The following RBFOX2 variants were observed in gnomAD, a reference collection of about 807,000 sequenced individuals.
RBFOX2 encodes RNA binding protein fox-1 homolog 2.
RBFOX2 carries 10 observed loss-of-function variants against 49.1 expected under a neutral mutation model. That is an observed-to-expected ratio of 0.20 (90% CI 0.13 to 0.35). The LOEUF (loss-of-function observed/expected upper bound fraction) is 0.35, where lower values mean the gene tolerates loss of function less well. Among genes scored for constraint, RBFOX2 ranks in the 10% least tolerant of loss-of-function variants. The pLI is 1.00. For synonymous variants in RBFOX2, 183 were observed against 187.4 expected, an observed-to-expected ratio of 0.98 and a Z score of 0.19; for missense variants, 323 against 486.9, an observed-to-expected ratio of 0.66 and a Z score of 3.17.
intron 2 of RBFOX2, among the ~76,000 whole-genome samples, chr22:35,782,949 A>C (rs1945516351): frequency 6.6e-6 from 1 of 152,150 alleles, no homozygotes; most frequent in Admixed American, 6.5e-5. Context: ...CACAAGAATC[A>C]CATGCAGAAA....
At position 36,010,061 on chromosome 22, in the gene RBFOX2, A is replaced by T. The variant is rs530152350; in HGVS notation, c.186+18179T>A. 3.3e-5 allele frequency among the ~76,000 whole-genome samples: 5 copies of T among 151,038 alleles called. No homozygotes were observed. In the East Asian group the frequency reaches 7.8e-4, roughly 24 times the overall value. ...CTGCTGCCCTAGAGATGCTGGCCAG[A>T]CCTCTAAATTGCCTGGGTACCTTCT... On this transcript the variant is annotated intron_variant, in intron 1 of 13. Transcript: ENST00000438146.
At chr22:35,753,962 T>C (rs1935982223) in intron 9 of RBFOX2, among the ~76,000 whole-genome samples, 1 of 151,444 alleles carries the variant, frequency 6.6e-6, no homozygotes, top group African/African-American at 2.4e-5. Context: ...TTTGTATTTT[T>C]AGTAGAGATG....
chr22:35,971,457 C>G (rs1192089860), intron 1 of RBFOX2, among the ~76,000 whole-genome samples: 1 of 152,080 alleles, frequency 6.6e-6, no homozygotes, highest in African/African-American at 2.4e-5. Context: ...CCTCCCAGGT[C>G]CAGAAAAAAA....
intron 1 of RBFOX2, among the ~76,000 whole-genome samples, chr22:35,857,604 CG>C (rs1178446674): frequency 4.6e-5 from 7 of 152,026 alleles, no homozygotes; most frequent in Admixed American, 3.9e-4. Flanking sequence ...GGGTTAGACA[CG>C]AAGATCAAAG....
intron 1 of RBFOX2, among the ~76,000 whole-genome samples, chr22:35,974,633 G>C (rs1171435714): frequency 6.6e-6 from 1 of 152,150 alleles, no homozygotes; most frequent in African/African-American, 2.4e-5. Context: ...GTTGTGGTGA[G>C]CCGAGATCGC....
chr22:35,870,798 G>T lies in RBFOX2; in HGVS notation c.-33-60794C>A, dbSNP rs766007615. On this transcript the variant is annotated intron_variant, in intron 1 of 13. Transcript: ENST00000359369. Reference sequence around the variant, plus strand: ...TATATTCGTTGGACTTTTTACTCAGGGATGAGTAAAAAATGTCATTTGGTC... The same window carrying T: ...TATATTCGTTGGACTTTTTACTCAGTGATGAGTAAAAAATGTCATTTGGTC... Among the ~76,000 whole-genome samples the T allele has an allele frequency of 4.9e-4, 75 of 152,104 alleles. No homozygotes were observed. In the Middle Eastern group the frequency reaches 0.01, roughly 21 times the overall value.
At chr22:35,920,451 T>C (rs1433406094) in intron 1 of RBFOX2, among the ~76,000 whole-genome samples, 1 of 152,224 alleles carries the variant, frequency 6.6e-6, no homozygotes, top group East Asian at 1.9e-4. Flanking sequence ...CTATTCCTGA[T>C]ACTTTGGCTT....
chr22:35,898,927 T>A (rs2048202586), intron 1 of RBFOX2, among the ~76,000 whole-genome samples: 1 of 152,078 alleles, frequency 6.6e-6, no homozygotes, highest in Non-Finnish European at 1.5e-5. Flanking sequence ...AAGACCAGCC[T>A]GACCAACATG....
chr22:35,953,689 T>A lies in RBFOX2; in HGVS notation c.42+7874A>T, dbSNP rs936760983. ...ATTTAACCTCCATTAACATTTTTTTTAAAAGCAATGCAGTATACACCACAG... is the reference window on the plus strand; with the variant it reads ...ATTTAACCTCCATTAACATTTTTTTAAAAAGCAATGCAGTATACACCACAG... On this transcript the variant is annotated intron_variant, in intron 1 of 5. Coordinates refer to the RBFOX2 transcript ENST00000408983. 2.8e-4 allele frequency among the ~76,000 whole-genome samples: 43 copies of A among 152,154 alleles called. 3 individuals are homozygous for A. Among genetic ancestry groups the A allele is most frequent in the Admixed American group, 1.2e-3 (18 of 15,282 alleles).
intron 2 of RBFOX2, among the ~76,000 whole-genome samples, chr22:35,804,618 G>T (rs1950365787): frequency 6.6e-6 from 1 of 152,072 alleles, no homozygotes; most frequent in Non-Finnish European, 1.5e-5. Flanking sequence ...AAAGGGCTGG[G>T]GGGTGGAGGA....
chr22:36,001,221 ACACACACACACAC>A (rs60894654), intron 1 of RBFOX2, among the ~76,000 whole-genome samples: 6,995 of 148,190 alleles, frequency 0.047, 192 homozygotes, highest in East Asian at 0.065. Context: ...ACACACACAC[ACACACACACACAC>A]TATATGTATA....
At chr22:35,909,936 A>G (rs563211631) in intron 1 of RBFOX2, among the ~76,000 whole-genome samples, 12 of 152,318 alleles carry the variant, frequency 7.9e-5, no homozygotes, top group African/African-American at 2.9e-4. Context: ...TAGGCAGAAA[A>G]AGAAGATAAT....
chr22:35,801,567 G>T (rs1263278854), intron 2 of RBFOX2, among the ~76,000 whole-genome samples: 1 of 152,058 alleles, frequency 6.6e-6, no homozygotes, highest in Non-Finnish European at 1.5e-5. Flanking sequence ...ACTCACACCT[G>T]CAATCCCAGC....
chr22:35,908,172 G>A (rs1043894455), intron 1 of RBFOX2, among the ~76,000 whole-genome samples: 2 of 152,112 alleles, frequency 1.3e-5, no homozygotes, highest in Non-Finnish European at 2.9e-5. Flanking sequence ...CGTATAATGA[G>A]AAACAGTCAA....
exon 12 of RBFOX2, chr22:35,743,957 A>C (rs1931201202): frequency 7.5e-6 from 3 of 400,804 alleles, no homozygotes; most frequent in Non-Finnish European, 1.3e-5. Context: ...CACAGTTTAA[A>C]AAAAAAAAGA....
rs767982163 is a variant in RBFOX2 at position 35,797,823 on chromosome 22, T to C, written c.252+11957A>G. On this transcript the variant is annotated intron_variant, in intron 2 of 11. Transcript: ENST00000405409. ...CTGTGGACCACACAGGGAAAATTACTGCTGCAAAGGATTGTCCCTGCCTGC... is the reference window on the plus strand; with the variant it reads ...CTGTGGACCACACAGGGAAAATTACCGCTGCAAAGGATTGTCCCTGCCTGC... 3.5e-4 allele frequency among the ~76,000 whole-genome samples: 54 copies of C among 152,352 alleles called. 1 individual carries two copies. Among genetic ancestry groups the C allele is most frequent in the Admixed American group, 1.2e-3 (19 of 15,304 alleles).
intron 1 of RBFOX2, among the ~76,000 whole-genome samples, chr22:36,024,987 T>C (rs1183937307): frequency 6.6e-6 from 1 of 151,844 alleles, no homozygotes. Flanking sequence ...TTTTGTATTT[T>C]TAGTAGAGAC....
At chr22:35,817,930 T>C (rs1953516448) in intron 1 of RBFOX2, among the ~76,000 whole-genome samples, 1 of 148,908 alleles carries the variant, frequency 6.7e-6, no homozygotes, top group Non-Finnish European at 1.5e-5. Context: ...ATTGTAAACT[T>C]GCCTCCAAAT....
intron 4 of RBFOX2, among the ~76,000 whole-genome samples, chr22:35,772,992 G>T (rs1943063314): frequency 7.2e-6 from 1 of 138,056 alleles, no homozygotes; most frequent in South Asian, 2.3e-4. Flanking sequence ...CCAGAACACA[G>T]AAATTTAAAA....
Sources: gnomAD v4.1 joint callset for allele counts (sites outside exome capture counted in the v4.1 genomes callset) on GRCh38, gnomAD v4.1.1 for gene constraint, MANE v1.5 for transcripts, NCBI Gene and HGNC (gene_info 2026-07-23, HGNC 2026-07-21) for gene names.